The following EYS variants were observed in gnomAD, a reference collection of about 807,000 sequenced individuals.
EYS encodes protein eyes shut homolog.
EYS carries 250 observed loss-of-function variants against 282.1 expected under a neutral mutation model. That is an observed-to-expected ratio of 0.89 (90% CI 0.80 to 0.98). The LOEUF (loss-of-function observed/expected upper bound fraction) is 0.98. Ranked by LOEUF, EYS falls within the 50% of genes least tolerant of loss-of-function variation. The probability of loss-of-function intolerance (pLI) is 0.00; values close to 1 mark genes in which losing one functional copy is unlikely to be tolerated. For synonymous variants in EYS, 1,355 were observed against 1,282.9 expected (o/e 1.06, Z -1.20); for missense variants, 4,016 against 3,709.0 (o/e 1.08, Z -2.15).
At chr6:64,173,503 G>A (rs1450757586) in intron 31 of EYS, among the ~76,000 whole-genome samples, 1 of 152,100 alleles carries the variant, frequency 6.6e-6, no homozygotes, top group African/African-American at 2.4e-5. Context: ...ATCTTAACCT[G>A]TTTGATTCCC....
At position 64,954,753 on chromosome 6, in the gene EYS, C is replaced by T. The variant is rs184903086; in HGVS notation, c.2260-8839G>A. On this transcript the variant is annotated intron_variant, in intron 14 of 42. Coordinates refer to ENST00000503581, the MANE Select transcript of EYS (RefSeq NM_001142800.2). ...AGCTTCGTCAATTTTTCCCCCACCC[C>T]TGGCAAGGGCACCAAATTAACAACT... Among the ~76,000 whole-genome samples, 193 of 152,226 alleles carry T rather than the reference C, an allele frequency of 1.3e-3. 1 individual carries two copies. Among genetic ancestry groups the T allele is most frequent in the Non-Finnish European group, 2.0e-3 (139 of 67,990 alleles).
At chr6:65,142,898 C>G (rs1443649553) in intron 12 of EYS, among the ~76,000 whole-genome samples, 1 of 151,908 alleles carries the variant, frequency 6.6e-6, no homozygotes, top group Non-Finnish European at 1.5e-5. Context: ...CCCAAAATAT[C>G]TTTTATGAAT....
chr6:65,242,443 T>C (rs1366394498), intron 12 of EYS, among the ~76,000 whole-genome samples: 2 of 152,144 alleles, frequency 1.3e-5, no homozygotes, highest in Non-Finnish European at 2.9e-5. Flanking sequence ...TTTAGTGGCA[T>C]GCGTCAGTAT....
At chr6:64,746,480 G>C (rs1792683056) in intron 22 of EYS, among the ~76,000 whole-genome samples, 1 of 152,088 alleles carries the variant, frequency 6.6e-6, no homozygotes, top group Admixed American at 6.6e-5. Context: ...TAACGCATCT[G>C]TGGTAGTCGG....
intron 29 of EYS, among the ~76,000 whole-genome samples, chr6:64,374,346 T>C (rs1001326385): frequency 3.3e-5 from 5 of 152,046 alleles, no homozygotes; most frequent in Non-Finnish European, 5.9e-5. Flanking sequence ...AGAAGTCCTT[T>C]TGAACTTGAG....
intron 29 of EYS, among the ~76,000 whole-genome samples, chr6:64,379,294 G>A (rs1437210664): frequency 6.6e-6 from 1 of 152,064 alleles, no homozygotes; most frequent in Non-Finnish European, 1.5e-5. Flanking sequence ...ACTTGCTGTT[G>A]AGTTACATAG....
intron 31 of EYS, among the ~76,000 whole-genome samples, chr6:64,150,890 T>G (rs1363590363): frequency 6.6e-6 from 1 of 152,164 alleles, no homozygotes; most frequent in Non-Finnish European, 1.5e-5. Context: ...GCTTGATTAC[T>G]TCAAATATTA....
At chr6:64,339,966 A>G (rs1771032574) in intron 29 of EYS, among the ~76,000 whole-genome samples, 1 of 151,684 alleles carries the variant, frequency 6.6e-6, no homozygotes, top group African/African-American at 2.4e-5. Context: ...CTCGGGTTGT[A>G]GGTCCACCAA....
At chr6:65,248,421 G>C (rs554976014) in intron 12 of EYS, among the ~76,000 whole-genome samples, 15 of 152,176 alleles carry the variant, frequency 9.9e-5, no homozygotes, top group African/African-American at 3.4e-4. Context: ...AGCTTGTTGA[G>C]AGACAGTTCA....
chr6:64,067,078 CT>C (rs1389293389), intron 32 of EYS, among the ~76,000 whole-genome samples: 2 of 152,066 alleles, frequency 1.3e-5, no homozygotes, highest in Non-Finnish European at 2.9e-5. Flanking sequence ...TACCACCTAT[CT>C]CCCCACATAC....
chr6:64,750,903 A>T (rs1033596629), intron 22 of EYS, among the ~76,000 whole-genome samples: 2 of 152,208 alleles, frequency 1.3e-5, no homozygotes, highest in Non-Finnish European at 2.9e-5. Context: ...AGTCCCCCTG[A>T]GCTGCCCCTC....
chr6:65,448,848 T>C (rs1010795465), intron 5 of EYS, among the ~76,000 whole-genome samples: 4 of 152,060 alleles, frequency 2.6e-5, no homozygotes, highest in African/African-American at 7.2e-5. Context: ...ATAAACACAG[T>C]TTATGTTTCA....
At chr6:64,975,063 T>C (rs189052537) in intron 14 of EYS, among the ~76,000 whole-genome samples, 2 of 151,844 alleles carry the variant, frequency 1.3e-5, no homozygotes, top group Admixed American at 6.6e-5. Flanking sequence ...TTTAGTAAAA[T>C]ATACCAAGTT....
chr6:65,704,303 T>TA (rs1245895988), intron 1 of EYS, among the ~76,000 whole-genome samples: 1 of 152,198 alleles, frequency 6.6e-6, no homozygotes, highest in African/African-American at 2.4e-5. Context: ...CTCCATTTCA[T>TA]AAAAATTATC....
At chr6:64,710,537 G>C (rs1256578103) in intron 22 of EYS, among the ~76,000 whole-genome samples, 1 of 152,156 alleles carries the variant, frequency 6.6e-6, no homozygotes, top group Non-Finnish European at 1.5e-5. Flanking sequence ...GCTTGCTCTG[G>C]CCCACTCCCA....
At chr6:64,361,085 C>A (rs1344168241) in intron 29 of EYS, among the ~76,000 whole-genome samples, 1 of 151,662 alleles carries the variant, frequency 6.6e-6, no homozygotes, top group African/African-American at 2.4e-5. Flanking sequence ...AAAAGTGACC[C>A]TTCCTGGAAA....
At chr6:65,514,541 A>C (rs1767042858) in intron 2 of EYS, among the ~76,000 whole-genome samples, 1 of 152,214 alleles carries the variant, frequency 6.6e-6, no homozygotes, top group South Asian at 2.1e-4. Context: ...TTCAAACTAT[A>C]CTACAAGGCT....
chr6:64,915,928 T>A (rs936836493), intron 15 of EYS, among the ~76,000 whole-genome samples: 2 of 152,132 alleles, frequency 1.3e-5, no homozygotes, highest in African/African-American at 4.8e-5. Flanking sequence ...TTTTCTTTTC[T>A]TTTTTTAAAC....
intron 5 of EYS, among the ~76,000 whole-genome samples, chr6:65,422,084 T>C (rs1017819579): frequency 6.6e-6 from 1 of 151,944 alleles, no homozygotes; most frequent in African/African-American, 2.4e-5. Flanking sequence ...TTTCAATTTG[T>C]AGAAATTGAA....
Sources: allele counts gnomAD v4.1 joint callset (sites outside exome capture counted in the v4.1 genomes callset), GRCh38; gene constraint gnomAD v4.1.1; transcripts MANE v1.5; gene names NCBI Gene and HGNC (gene_info 2026-07-23, HGNC 2026-07-21).